The following MAP3K12 variants were observed in gnomAD, a reference collection of about 807,000 sequenced individuals.
MAP3K12 encodes MAPK-upstream kinase.
Under a neutral mutation model 87.5 loss-of-function variants are expected in MAP3K12, and 14 were observed. The ratio of observed to expected loss-of-function variants is 0.16; its 90% CI spans 0.11 to 0.25. The LOEUF (loss-of-function observed/expected upper bound fraction) is 0.25, where lower values mean the gene tolerates loss of function less well. MAP3K12 is among the 10% of genes least tolerant of loss of function. The pLI is 1.00. For missense variants in MAP3K12, 802 were observed against 1,140.4 expected (o/e 0.70, Z 4.27); for synonymous variants, 469 against 452.5 (o/e 1.04, Z -0.46).
At chr12:53,496,623 A>T (rs576997188) in intron 1 of MAP3K12, among the ~76,000 whole-genome samples, 5 of 152,360 alleles carry the variant, frequency 3.3e-5, no homozygotes, top group Admixed American at 2.0e-4. Flanking sequence ...ATCTGGAAGA[A>T]TAAATACCAA....
At chr12:53,490,518 G>C (rs1943368978) in intron 1 of MAP3K12, among the ~76,000 whole-genome samples, 2 of 152,144 alleles carry the variant, frequency 1.3e-5, no homozygotes, top group Non-Finnish European at 2.9e-5. Context: ...GGCCGAGGCG[G>C]GCGGATCACG....
intron 1 of MAP3K12, among the ~76,000 whole-genome samples, chr12:53,494,497 C>T (rs1399208797): frequency 6.6e-6 from 1 of 152,166 alleles, no homozygotes; most frequent in Non-Finnish European, 1.5e-5. Flanking sequence ...TCTATCCCAC[C>T]TTCTAGGTTC....
chr12:53,484,608 C>T (rs1332555054), intron 6 of MAP3K12: 1 of 509,144 alleles, frequency 2.0e-6, no homozygotes, highest in African/African-American at 1.9e-5. Context: ...AAATAAAAGC[C>T]TTTTCTGAAT....
chr12:53,485,274 G>A, intron 5 of MAP3K12, 43 bp downstream of exon 5: 1 of 1,604,928 alleles, frequency 6.2e-7, no homozygotes, highest in Non-Finnish European at 8.5e-7. Flanking sequence ...AATCCCCCCA[G>A]GGCTGGCCAC....
At position 53,481,925 on chromosome 12, in the gene MAP3K12, C is replaced by G. The variant is rs370884884; in HGVS notation, c.2580+16G>C. 7 of 1,606,334 alleles carry G rather than the reference C, an allele frequency of 4.4e-6. No individual in the cohort carries two copies. The African/African-American group carries it at 5.4e-5, about 12-fold the overall frequency. The stretch of plus-strand genomic sequence containing the variant: ...CTCCCTGTTCAATATCTGCTTTTTG[C>G]TGTTGTGCCACTCACCCGCTCTCTG... On this transcript the variant is annotated intron_variant, in intron 13 of 13. Coordinates refer to ENST00000547488, the MANE Select transcript of MAP3K12 (RefSeq NM_001193511.2).
chr12:53,486,376 C>T lies in MAP3K12; in HGVS notation c.629+63G>A. 6.3e-7 allele frequency: 1 copy of T among 1,588,992 alleles called. No homozygotes were observed. The highest frequency in any genetic ancestry group is 8.6e-7 in the Non-Finnish European group (1 of 1,165,242). ...GGGAAGGATGGGGTAGGTCCCACTG[C>T]CCAGGAGGGTACCAGGCCTTAGCAT... On this transcript the variant is annotated intron_variant, in intron 3 of 13. Transcript: ENST00000547488. This position sits in a 1 kb window ranked among gnomAD's most constrained non-coding sequence, Gnocchi z 4.9.
At chr12:53,481,317 G>A (rs990444329) in intron 13 of MAP3K12, 37 bp from the exon 14 acceptor site, 5 of 1,272,338 alleles carry the variant, frequency 3.9e-6, no homozygotes, top group Non-Finnish European at 5.3e-6. Flanking sequence ...AGATTCCTTG[G>A]GGTTCTTTGC....
At chr12:53,491,301 A>AAAAAAAAAAAGG (rs796169121) in intron 1 of MAP3K12, among the ~76,000 whole-genome samples, 1 of 101,568 alleles carries the variant, frequency 9.8e-6, no homozygotes, top group Non-Finnish European at 1.9e-5. Flanking sequence ...AAAAAAAAAA[A>AAAAAAAAAAAGG]AAAAGAAAAG....
At position 53,481,200 on chromosome 12, in the gene MAP3K12, T is replaced by C; in HGVS notation, c.2661A>G (p.Pro887=). 6.6e-7 allele frequency: 1 copy of C among 1,525,420 alleles called. No individual in the cohort carries two copies. The highest frequency in any genetic ancestry group is 8.8e-7 in the Non-Finnish European group (1 of 1,133,210). 94.5% of individuals were successfully genotyped at this position (1,525,420 alleles called of 1,614,324 possible). Residue 887 remains proline, a synonymous_variant, in exon 14 of 14, where the codon CCA becomes CCG. Transcript: ENST00000547488. The part of the protein sequence containing the change: ...NSNSVDALRP[P]ASLPP ...GTGGCTTTCATGGAGGGAGGGAAGC[T>C]GGGGGCCGCAAGGCATCAACGCTGT...
Position 53,486,265 on chromosome 12 carries a change from G to A in MAP3K12, c.630-18C>T. 6.3e-7 allele frequency: 1 copy of A among 1,585,778 alleles called. No homozygotes were observed. The highest frequency in any genetic ancestry group is 1.1e-5 in the South Asian group (1 of 87,018). On this transcript the variant is annotated intron_variant, in intron 3 of 13. Coordinates refer to ENST00000547488, the MANE Select transcript of MAP3K12 (RefSeq NM_001193511.2). This position sits in a 1 kb window ranked among gnomAD's most constrained non-coding sequence, Gnocchi z 4.9. ...ACACACCCCTGGGAGCCAAACAATG[G>A]TATGAAGGCCTCAGCTGGCTCAGCA...
At chr12:53,487,712 C>T in intron 1 of MAP3K12, 1 of 301,994 alleles carries the variant, frequency 3.3e-6, no homozygotes, top group Non-Finnish European at 6.2e-6. Flanking sequence ...CGTGGGTACA[C>T]ACTGGTAAAA....
chr12:53,484,063 C>T lies in MAP3K12; in HGVS notation c.1249-43G>A, dbSNP rs917025807. Reference sequence around the variant, plus strand: ...ATGAAGAGTGAGAGCCATCCCTTCACCCAGTGAAAGGCTCTGCAGGTTGCC... The same window carrying T: ...ATGAAGAGTGAGAGCCATCCCTTCATCCAGTGAAAGGCTCTGCAGGTTGCC... On this transcript the variant is annotated intron_variant, in intron 7 of 13. Coordinates refer to ENST00000547488, the MANE Select transcript of MAP3K12 (RefSeq NM_001193511.2). The T allele has an allele frequency of 3.8e-6, 6 of 1,584,324 alleles. No homozygotes were observed. In the African/African-American group the frequency reaches 4.0e-5, roughly 11 times the overall value.
At chr12:53,490,272 C>G (rs958229108) in intron 1 of MAP3K12, among the ~76,000 whole-genome samples, 2 of 151,938 alleles carry the variant, frequency 1.3e-5, no homozygotes, top group Non-Finnish European at 2.9e-5. Flanking sequence ...CCACTGTACT[C>G]CAGCCTGGGT....
upstream of MAP3K12, chr12:53,501,032 C>CT (rs1412721458): frequency 1.6e-5 from 4 of 255,570 alleles, no homozygotes; most frequent in Non-Finnish European, 7.7e-6. Context: ...TACCCAGCGG[C>CT]TTCCCCTCCG....
At chr12:53,488,934 G>C (rs1363093854) in intron 1 of MAP3K12, among the ~76,000 whole-genome samples, 2 of 150,682 alleles carry the variant, frequency 1.3e-5, no homozygotes, top group Non-Finnish European at 3.0e-5. Flanking sequence ...GAAAAAATTA[G>C]CTGGGCGTGG....
In MAP3K12 at chr12:53,482,746, G is replaced by A; in HGVS notation, c.2057C>T (p.Thr686Ile). 1 of 1,614,060 alleles carries A rather than the reference G, an allele frequency of 6.2e-7. No individual in the cohort carries two copies. The highest frequency in any genetic ancestry group is 8.5e-7 in the Non-Finnish European group (1 of 1,180,002). Residue 686 changes from threonine to isoleucine, a missense_variant, in exon 11 of 14, where the codon ACC (threonine) becomes ATC (isoleucine). Physicochemically the swap from Thr to Ile is moderately conservative, Grantham distance 89 (BLOSUM62 -1). Around this residue, in one of 5 missense-constraint regions of MAP3K12, gnomAD observed 490 missense variants for 496.6 expected, o/e 0.99. Coordinates refer to ENST00000547488, the MANE Select transcript of MAP3K12 (RefSeq NM_001193511.2). ...PPSEGSAPGS[T>I]SPDSPGGAKG... ...GGCTCCCCCAGGTGAATCTGGGCTG[G>A]TGGAGCCAGGGGCTGAGCCCTCACT... is the stretch of plus-strand genomic sequence containing the variant.
Position 53,486,522 on chromosome 12 carries a change from C to T in MAP3K12, c.546G>A (p.Val182=). 6.2e-7 allele frequency: 1 copy of T among 1,614,168 alleles called. No homozygotes were observed. The highest frequency in any genetic ancestry group is 8.5e-7 in the Non-Finnish European group (1 of 1,180,030). ...TGAGGTCTCGCACCTTCTTCACAGC[C>T]ACCTCCTCCCCGTGGAAGCGCCCCA... ...VFLGRFHGEE[V]AVKKVRDLKE... The change falls in exon 3 of 14, where the codon GTG becomes GTA. Residue 182 remains valine, a synonymous_variant. Coordinates refer to ENST00000547488, the MANE Select transcript of MAP3K12 (RefSeq NM_001193511.2). The surrounding 1 kb of genome is among the most constrained non-coding windows in gnomAD (Gnocchi z 4.9).
chr12:53,500,477 T>C (rs1486929615), upstream of MAP3K12: 1 of 152,182 alleles, frequency 6.6e-6, no homozygotes, highest in Non-Finnish European at 1.5e-5. Flanking sequence ...CCTCGCCAGT[T>C]AAAGAGAGGT....
intron 1 of MAP3K12, among the ~76,000 whole-genome samples, chr12:53,495,339 C>CA (rs10647631): frequency 0.54 from 10,423 of 19,316 alleles, 4,453 homozygotes; most frequent in Non-Finnish European, 0.61. Flanking sequence ...ACTCTGTCTC[C>CA]AAAAAAAAAA....
Sources: gnomAD v4.1 joint callset for allele counts (sites outside exome capture counted in the v4.1 genomes callset) on GRCh38, gnomAD v4.1.1 for gene constraint, gnomAD v4.1.1 regional missense constraint, Gnocchi (gnomAD v3.1) non-coding constraint, MANE v1.5 for transcripts, NCBI Gene and HGNC (gene_info 2026-07-23, HGNC 2026-07-21) for gene names.